The following ADAMTS19 variants were observed in gnomAD, a reference collection of about 807,000 sequenced individuals.
ADAMTS19 encodes the protein A disintegrin and metalloproteinase with thrombospondin motifs 19.
In ADAMTS19, 93 loss-of-function variants were observed where a neutral mutation model predicts 153.3. The observed-to-expected ratio is 0.61, with a 90% CI of 0.51 to 0.72. The LOEUF is 0.72. Among genes scored for constraint, ADAMTS19 ranks in the 30% least tolerant of loss-of-function variants. ADAMTS19 has a pLI of 0.00. For missense variants in ADAMTS19, 1,482 were observed against 1,552.1 expected (o/e 0.95, Z 0.76); for synonymous variants, 600 against 556.6 (o/e 1.08, Z -1.10).
At chr5:129,528,764 T>G in intron 6 of ADAMTS19, 87 bp downstream of exon 6, 1 of 1,103,288 alleles carries the variant, frequency 9.1e-7, no homozygotes. Context: ...ATAATGTTTT[T>G]ATTTCAGATT....
At chr5:129,697,560 G>A (rs574046002) in intron 19 of ADAMTS19, among the ~76,000 whole-genome samples, 6 of 152,342 alleles carry the variant, frequency 3.9e-5, no homozygotes, top group East Asian at 3.9e-4. Context: ...ACCTTCCTGA[G>A]TGTAGGCTTT....
At chr5:129,615,276 T>C (rs1561604809) in intron 8 of ADAMTS19, among the ~76,000 whole-genome samples, 1 of 152,018 alleles carries the variant, frequency 6.6e-6, no homozygotes, top group Non-Finnish European at 1.5e-5. Context: ...GGAAAGGAAC[T>C]ATACAAAAGG....
intron 11 of ADAMTS19, among the ~76,000 whole-genome samples, chr5:129,646,472 C>T (rs1376785651): frequency 6.6e-6 from 1 of 152,012 alleles, no homozygotes; most frequent in Non-Finnish European, 1.5e-5. Context: ...GCAATAAAAA[C>T]ATATTATCAA....
At chr5:129,701,338 T>C (rs1273947655) in intron 19 of ADAMTS19, 50 bp from the exon 20 acceptor site, 5 of 1,595,612 alleles carry the variant, frequency 3.1e-6, no homozygotes, top group Non-Finnish European at 4.3e-6. Flanking sequence ...CTAATACAAG[T>C]AGATAGGTAT....
intron 19 of ADAMTS19, 132 bp downstream of exon 19, chr5:129,694,987 G>A: frequency 8.7e-7 from 1 of 1,154,996 alleles, no homozygotes. Flanking sequence ...AAAATTTAAA[G>A]TCTTAAATAA....
intron 9 of ADAMTS19, among the ~76,000 whole-genome samples, chr5:129,621,240 T>A (rs1320549782): frequency 2.0e-5 from 3 of 152,174 alleles, no homozygotes; most frequent in Non-Finnish European, 2.9e-5. Context: ...ACACTTAGCT[T>A]CTGTCTTGTT....
rs150574284 is a variant in ADAMTS19 at position 129,707,489 on chromosome 5, C to T, written c.3312+3098C>T. 2.5e-3 allele frequency among the ~76,000 whole-genome samples: 381 copies of T among 152,288 alleles called. 1 individual carries two copies. The highest frequency in any genetic ancestry group is 8.9e-3 in the African/African-American group (369 of 41,550). ...GCACAAATTAAAACCAGTGGCTCCA[C>T]GTGAATTTTATTGGTTTCACCCTTC... On this transcript the variant is annotated intron_variant, in intron 21 of 22. Coordinates refer to ENST00000274487, the MANE Select transcript of ADAMTS19 (RefSeq NM_133638.6).
chr5:129,462,895 C>G (rs141775148), intron 2 of ADAMTS19, among the ~76,000 whole-genome samples: 15 of 152,144 alleles, frequency 9.9e-5, no homozygotes, highest in African/African-American at 3.6e-4. Context: ...TGGAGAAAAT[C>G]CAACAGCAGT....
chr5:129,460,742 G>A (rs906399220), intron 1 of ADAMTS19: 1 of 573,530 alleles, frequency 1.7e-6, no homozygotes, highest in Non-Finnish European at 3.1e-6. Context: ...TACAGCACCT[G>A]GAGGAAAATT....
intron 3 of ADAMTS19, among the ~76,000 whole-genome samples, chr5:129,522,211 A>C (rs1751833483): frequency 6.7e-6 from 1 of 148,930 alleles, no homozygotes; most frequent in South Asian, 2.1e-4. Flanking sequence ...ATATATACAC[A>C]CACATATGTA....
chr5:129,721,800 T>A (rs1376654211), intron 21 of ADAMTS19, among the ~76,000 whole-genome samples: 1 of 152,086 alleles, frequency 6.6e-6, no homozygotes, highest in Non-Finnish European at 1.5e-5. Flanking sequence ...GCCCTCCCTG[T>A]GTCCATGTAT....
chr5:129,695,590 G>A (rs1019299359), intron 19 of ADAMTS19, among the ~76,000 whole-genome samples: 2 of 152,152 alleles, frequency 1.3e-5, no homozygotes, highest in African/African-American at 4.8e-5. Context: ...GCCTAGCAAC[G>A]AGGCTACTTG....
intron 2 of ADAMTS19, among the ~76,000 whole-genome samples, chr5:129,474,841 T>C (rs1241709344): frequency 6.6e-6 from 1 of 152,216 alleles, no homozygotes; most frequent in Non-Finnish European, 1.5e-5. Context: ...ACTAATTATA[T>C]TGAGCATAGG....
intron 2 of ADAMTS19, among the ~76,000 whole-genome samples, chr5:129,501,515 G>A (rs1751107523): frequency 6.6e-6 from 1 of 151,998 alleles, no homozygotes. Context: ...AACCCTTAGT[G>A]TACAATTTTT....
chr5:129,637,744 C>T (rs1395610890), intron 10 of ADAMTS19, among the ~76,000 whole-genome samples: 1 of 152,086 alleles, frequency 6.6e-6, no homozygotes, highest in Non-Finnish European at 1.5e-5. Context: ...ACTTAGGTGG[C>T]TGAGGCAAGA....
intron 8 of ADAMTS19, among the ~76,000 whole-genome samples, chr5:129,606,844 C>T (rs1414696670): frequency 6.6e-6 from 1 of 152,168 alleles, no homozygotes; most frequent in East Asian, 1.9e-4. Context: ...ATGGCCACAA[C>T]AAATGTTATC....
chr5:129,549,363 G>A (rs1752983350), intron 6 of ADAMTS19, among the ~76,000 whole-genome samples: 2 of 151,570 alleles, frequency 1.3e-5, no homozygotes, highest in East Asian at 1.9e-4. Context: ...CAGAGAAAAT[G>A]GATGTTGAAA....
intron 7 of ADAMTS19, among the ~76,000 whole-genome samples, chr5:129,554,658 G>A (rs190485008): frequency 2.0e-5 from 3 of 152,162 alleles, no homozygotes; most frequent in Admixed American, 2.0e-4. Context: ...CAACCCTGGA[G>A]CCCAGTCTAA....
intron 14 of ADAMTS19, among the ~76,000 whole-genome samples, chr5:129,657,180 G>C (rs1348600020): frequency 6.6e-6 from 1 of 152,118 alleles, no homozygotes; most frequent in Non-Finnish European, 1.5e-5. Context: ...TCTTGACACT[G>C]ATAGGCCCCG....
Sources: allele counts gnomAD v4.1 joint callset (sites outside exome capture counted in the v4.1 genomes callset), GRCh38; gene constraint gnomAD v4.1.1; transcripts MANE v1.5; gene names NCBI Gene and HGNC (gene_info 2026-07-23, HGNC 2026-07-21).